The following CCSER1 variants were observed in gnomAD, a reference collection of about 807,000 sequenced individuals.
The protein encoded by CCSER1 is coiled-coil serine rich protein 1, also known as serine-rich coiled-coil domain-containing protein 1.
Under a neutral mutation model 82.0 loss-of-function variants are expected in CCSER1, and 41 were observed. The observed-to-expected ratio is 0.50, with a 90% CI of 0.39 to 0.65. The LOEUF is 0.65. Ranked by LOEUF, CCSER1 falls within the 30% of genes least tolerant of loss-of-function variation. The probability of loss-of-function intolerance (pLI) is 0.00; values close to 1 mark genes in which losing one functional copy is unlikely to be tolerated. For synonymous variants in CCSER1, 414 were observed against 383.9 expected (o/e 1.08, Z -0.92); for missense variants, 1,119 against 1,064.2 (o/e 1.05, Z -0.72).
At chr4:91,571,917 A>G (rs996950040) in intron 10 of CCSER1, among the ~76,000 whole-genome samples, 2 of 152,094 alleles carry the variant, frequency 1.3e-5, no homozygotes, top group Non-Finnish European at 2.9e-5. Flanking sequence ...CCTTGGGTCT[A>G]CTGCAACTTG....
chr4:90,504,582 T>G (rs1281572053), intron 5 of CCSER1, among the ~76,000 whole-genome samples: 1 of 152,188 alleles, frequency 6.6e-6, no homozygotes, highest in African/African-American at 2.4e-5. Flanking sequence ...CTGGCCATTG[T>G]CTCCATGTCT....
intron 4 of CCSER1, among the ~76,000 whole-genome samples, chr4:90,445,338 G>T (rs923198335): frequency 5.3e-5 from 8 of 152,028 alleles, no homozygotes; most frequent in African/African-American, 1.9e-4. Flanking sequence ...CTTTCTCTGG[G>T]AAGAGATCAA....
chr4:91,161,929 T>A (rs1008555197), intron 10 of CCSER1, among the ~76,000 whole-genome samples: 2 of 152,152 alleles, frequency 1.3e-5, no homozygotes, highest in Admixed American at 1.3e-4. Context: ...CCCTGTATTT[T>A]TTTCTTTTCC....
intron 6 of CCSER1, among the ~76,000 whole-genome samples, chr4:90,652,114 T>C (rs1332069222): frequency 6.6e-6 from 1 of 152,222 alleles, no homozygotes; most frequent in Non-Finnish European, 1.5e-5. Context: ...CCCTCACAGT[T>C]ATTTTCAAAT....
chr4:90,911,245 T>C (rs1320611097), intron 8 of CCSER1: 2 of 455,916 alleles, frequency 4.4e-6, no homozygotes, highest in East Asian at 7.0e-5. Flanking sequence ...GTTTAGTGTC[T>C]CCTTGATAGC....
intron 10 of CCSER1, among the ~76,000 whole-genome samples, chr4:91,405,301 A>T (rs145184739): frequency 0.018 from 2,805 of 152,136 alleles, 62 homozygotes; most frequent in African/African-American, 0.063. Flanking sequence ...CTTATACAAA[A>T]ATTAATTGAA....
intron 10 of CCSER1, among the ~76,000 whole-genome samples, chr4:91,360,954 T>G (rs569403907): frequency 6.6e-5 from 10 of 151,860 alleles, no homozygotes; most frequent in Admixed American, 2.0e-4. Flanking sequence ...TGTAGTTATG[T>G]GAACTCCTTT....
At chr4:90,849,924 T>C (rs945060415) in intron 8 of CCSER1, among the ~76,000 whole-genome samples, 11 of 152,032 alleles carry the variant, frequency 7.2e-5, no homozygotes, top group Non-Finnish European at 1.5e-4. Context: ...GTCAGAGACC[T>C]TCACAATAGC....
At chr4:91,322,913 T>C (rs115122839) in intron 10 of CCSER1, among the ~76,000 whole-genome samples, 10 of 152,148 alleles carry the variant, frequency 6.6e-5, no homozygotes, top group African/African-American at 1.4e-4. Context: ...GAGATAAAGA[T>C]GTTGGAATCC....
chr4:90,486,107 A>G (rs1001417880), intron 5 of CCSER1, among the ~76,000 whole-genome samples: 2 of 152,144 alleles, frequency 1.3e-5, no homozygotes, highest in African/African-American at 2.4e-5. Context: ...CTTTTCCTTG[A>G]TAGTCAAATA....
intron 6 of CCSER1, among the ~76,000 whole-genome samples, chr4:90,689,671 T>C (rs2149222051): frequency 6.6e-6 from 1 of 152,112 alleles, no homozygotes; most frequent in Non-Finnish European, 1.5e-5. Flanking sequence ...GTAAGTGACT[T>C]ATTAAGTAAG....
intron 5 of CCSER1, among the ~76,000 whole-genome samples, chr4:90,531,521 A>G (rs903034495): frequency 3.3e-5 from 5 of 151,762 alleles, no homozygotes; most frequent in African/African-American, 9.7e-5. Flanking sequence ...TTAGCAAACT[A>G]TGAAGCTTTT....
chr4:90,427,092 G>A (rs1419023204), intron 4 of CCSER1, among the ~76,000 whole-genome samples: 1 of 151,936 alleles, frequency 6.6e-6, no homozygotes, highest in Non-Finnish European at 1.5e-5. Context: ...ATTTATAAAC[G>A]TTTAGAGACA....
intron 10 of CCSER1, among the ~76,000 whole-genome samples, chr4:91,416,330 T>G (rs1291501518): frequency 6.6e-6 from 1 of 151,880 alleles, no homozygotes; most frequent in Non-Finnish European, 1.5e-5. Context: ...TTGACATTCT[T>G]CACAGAATTA....
At chr4:91,233,536 A>G (rs1738778864) in intron 10 of CCSER1, among the ~76,000 whole-genome samples, 2 of 151,978 alleles carry the variant, frequency 1.3e-5, no homozygotes, top group African/African-American at 2.4e-5. Flanking sequence ...TTAGGTCATT[A>G]ACAAGATAAA....
At chr4:91,210,424 C>A (rs919020165) in intron 10 of CCSER1, among the ~76,000 whole-genome samples, 12 of 150,396 alleles carry the variant, frequency 8.0e-5, no homozygotes, top group Non-Finnish European at 1.5e-4. Flanking sequence ...ATTAATTGGA[C>A]AATTAATAAA....
At chr4:91,548,694 G>T (rs1159527564) in intron 10 of CCSER1, among the ~76,000 whole-genome samples, 1 of 151,738 alleles carries the variant, frequency 6.6e-6, no homozygotes, top group Non-Finnish European at 1.5e-5. Context: ...CTTCTATCTG[G>T]CATGGTTTCT....
intron 10 of CCSER1, among the ~76,000 whole-genome samples, chr4:91,143,120 A>AT (rs1234415233): frequency 2.6e-5 from 4 of 151,674 alleles, no homozygotes; most frequent in African/African-American, 4.8e-5. Context: ...AACATGGAGT[A>AT]TTTTTTTCAT....
At chr4:90,573,952 A>G (rs542547303) in intron 5 of CCSER1, among the ~76,000 whole-genome samples, 2 of 152,026 alleles carry the variant, frequency 1.3e-5, no homozygotes, top group South Asian at 2.1e-4. Flanking sequence ...CTTTATAAGT[A>G]TCTTCTTTTT....
Sources: allele counts gnomAD v4.1 joint callset (sites outside exome capture counted in the v4.1 genomes callset), GRCh38; gene constraint gnomAD v4.1.1; transcripts MANE v1.5; gene names NCBI Gene and HGNC (gene_info 2026-07-23, HGNC 2026-07-21).